Variants in ZSWIM6 observed in about 807,000 individuals in gnomAD.
The protein encoded by ZSWIM6 is zinc finger SWIM domain-containing protein 6.
In ZSWIM6, 9 loss-of-function variants were observed where a neutral mutation model predicts 113.2. The ratio of observed to expected loss-of-function variants is 0.08; its 90% CI spans 0.05 to 0.14. ZSWIM6 has a LOEUF of 0.14. ZSWIM6 is among the 10% of genes least tolerant of loss of function. The pLI, the probability that ZSWIM6 is intolerant of heterozygous loss-of-function variation, is 1.00. For synonymous variants in ZSWIM6, 611 were observed against 606.5 expected (o/e 1.01, Z -0.11); for missense variants, 1,162 against 1,552.2 (o/e 0.75, Z 4.22).
chr5:61,539,631 A>G lies in ZSWIM6; in HGVS notation c.2575A>G (p.Ile859Val), dbSNP rs1027909153. 3.9e-6 allele frequency: 6 copies of G among 1,551,910 alleles called. No individual in the cohort carries two copies. Among genetic ancestry groups the G allele is most frequent in the African/African-American group, 2.7e-5 (2 of 73,046 alleles). ...GAGGCTGGAAACAGTATTAGAATCCATCCAGAAAAACATTCACTCCTCATC... is the reference window on the plus strand; with the variant it reads ...GAGGCTGGAAACAGTATTAGAATCCGTCCAGAAAAACATTCACTCCTCATC... ...VRRLETVLES[I>V]QKNIHSSSHI... The change falls in exon 12 of 14, where the codon ATC (isoleucine) becomes GTC (valine). Residue 859 changes from isoleucine to valine, a missense_variant. Coordinates refer to ENST00000252744, the MANE Select transcript of ZSWIM6 (RefSeq NM_020928.2).
chr5:61,378,362 A>C (rs1006267415), intron 1 of ZSWIM6, among the ~76,000 whole-genome samples: 1 of 152,252 alleles, frequency 6.6e-6, no homozygotes, highest in African/African-American at 2.4e-5. Flanking sequence ...AAATGGGGAA[A>C]AAAGTAAAAC....
intron 1 of ZSWIM6, among the ~76,000 whole-genome samples, chr5:61,366,447 C>CA (rs941744949): frequency 1.3e-5 from 2 of 152,198 alleles, no homozygotes; most frequent in Non-Finnish European, 2.9e-5. Context: ...ATAAGCAACT[C>CA]AAACTCTAAA....
Position 61,332,847 on chromosome 5 carries a change from G to A in ZSWIM6, c.575G>A (p.Gly192Glu). ...GCGGGGGCCGGGGCCCCGTCGGTGGGGGCTGCCGGGGCGGCGGACGGCGGC... is the reference window on the plus strand; with the variant it reads ...GCGGGGGCCGGGGCCCCGTCGGTGGAGGCTGCCGGGGCGGCGGACGGCGGC... ...AAAGAGAPSV[G>E]AAGAADGGDE... is the part of the protein sequence containing the mutation. The change falls in exon 1 of 14, where the codon GGG (glycine) becomes GAG (glutamate). Residue 192 changes from glycine (G) to glutamate (E), a missense_variant. Around this residue, in one of 4 missense-constraint regions of ZSWIM6, gnomAD observed 333 missense variants for 293.4 expected, o/e 1.13. Transcript: ENST00000252744. 1 of 1,132,082 alleles carries A rather than the reference G, an allele frequency of 8.8e-7. No individual in the cohort carries two copies. The highest frequency in any genetic ancestry group is 1.1e-6 in the Non-Finnish European group (1 of 909,208). The allele number at this position is 1,132,082 out of a possible 1,614,324, so 70.1% of individuals were successfully genotyped here.
At chr5:61,424,727 CTT>C (rs35994591) in intron 1 of ZSWIM6, among the ~76,000 whole-genome samples, 33 of 134,660 alleles carry the variant, frequency 2.5e-4, no homozygotes, top group Non-Finnish European at 2.4e-4. Flanking sequence ...AATCTTGGCT[CTT>C]TTTTTTTTTT....
At chr5:61,491,948 G>A (rs1748190074) in intron 3 of ZSWIM6, among the ~76,000 whole-genome samples, 1 of 151,808 alleles carries the variant, frequency 6.6e-6, no homozygotes, top group Non-Finnish European at 1.5e-5. Context: ...AATTTCCCCA[G>A]AATTAGATTA....
intron 10 of ZSWIM6, among the ~76,000 whole-genome samples, chr5:61,536,642 C>T (rs907983816): frequency 6.6e-6 from 1 of 152,110 alleles, no homozygotes; most frequent in Non-Finnish European, 1.5e-5. Context: ...CCAAAGTTAC[C>T]CTGTTCTGAA....
chr5:61,420,339 T>C (rs1561230295), intron 1 of ZSWIM6, among the ~76,000 whole-genome samples: 1 of 152,250 alleles, frequency 6.6e-6, no homozygotes, highest in Non-Finnish European at 1.5e-5. Context: ...TTACTATATA[T>C]CTGAAAGTTT....
chr5:61,520,639 T>G (rs1213927781), intron 4 of ZSWIM6, among the ~76,000 whole-genome samples: 2 of 152,168 alleles, frequency 1.3e-5, no homozygotes, highest in Non-Finnish European at 2.9e-5. Context: ...CTGGCTTTTT[T>G]TTGCCCCAAA....
At chr5:61,408,076 AC>A (rs1474340307) in intron 1 of ZSWIM6, among the ~76,000 whole-genome samples, 2 of 152,260 alleles carry the variant, frequency 1.3e-5, no homozygotes, top group Non-Finnish European at 2.9e-5. Context: ...ATGGGAAATT[AC>A]CTAAATGCTC....
intron 1 of ZSWIM6, among the ~76,000 whole-genome samples, chr5:61,389,554 CAAAAAAAAAAAA>C (rs60533774): frequency 1.2e-4 from 6 of 50,980 alleles, no homozygotes; most frequent in South Asian, 7.3e-4. Context: ...GACTCAGTCT[CAAAAAAAAAAAA>C]AAAAAAAAAA....
intron 1 of ZSWIM6, among the ~76,000 whole-genome samples, chr5:61,431,686 A>C (rs1746585416): frequency 6.6e-6 from 1 of 152,038 alleles, no homozygotes; most frequent in Non-Finnish European, 1.5e-5. Flanking sequence ...CGGAGCTTGC[A>C]GTGAGCCAAG....
At chr5:61,390,974 T>G in intron 1 of ZSWIM6, 1 of 757,832 alleles carries the variant, frequency 1.3e-6, no homozygotes, top group Non-Finnish European at 2.4e-6. Context: ...GAGGCATTGT[T>G]CTTGATCAGT....
At chr5:61,383,856 T>C (rs960317681) in intron 1 of ZSWIM6, among the ~76,000 whole-genome samples, 1 of 151,898 alleles carries the variant, frequency 6.6e-6, no homozygotes, top group Non-Finnish European at 1.5e-5. Context: ...CAGAACTTTT[T>C]CTTATACATG....
intron 1 of ZSWIM6, among the ~76,000 whole-genome samples, chr5:61,453,301 C>T (rs981920902): frequency 2.0e-5 from 3 of 151,272 alleles, no homozygotes; most frequent in African/African-American, 7.3e-5. Flanking sequence ...AATCTAGCTA[C>T]TTAACATATA....
intron 1 of ZSWIM6, among the ~76,000 whole-genome samples, chr5:61,346,853 TGAC>T: frequency 6.6e-6 from 1 of 152,338 alleles, no homozygotes; most frequent in East Asian, 1.9e-4. Flanking sequence ...CTTTCAATAA[TGAC>T]TACTACTGTG....
intron 2 of ZSWIM6, among the ~76,000 whole-genome samples, chr5:61,478,669 G>A (rs1747769934): frequency 6.6e-6 from 1 of 151,590 alleles, no homozygotes; most frequent in Non-Finnish European, 1.5e-5. Flanking sequence ...CACTGTTGCT[G>A]TGACCATCTT....
chr5:61,496,748 G>A (rs10060668), intron 4 of ZSWIM6, among the ~76,000 whole-genome samples: 3 of 151,912 alleles, frequency 2.0e-5, no homozygotes, highest in Non-Finnish European at 2.9e-5. Flanking sequence ...CCAACACCGC[G>A]CCATTACAGA....
chr5:61,541,742 A>G, intron 12 of ZSWIM6, 142 bp from the exon 13 acceptor site: 1 of 681,918 alleles, frequency 1.5e-6, no homozygotes, highest in Non-Finnish European at 2.4e-6. Flanking sequence ...ATTCATATGT[A>G]GAGCTTTGCT....
intron 1 of ZSWIM6, among the ~76,000 whole-genome samples, chr5:61,334,358 A>C (rs554712287): frequency 6.6e-6 from 1 of 152,060 alleles, no homozygotes; most frequent in East Asian, 1.9e-4. Context: ...ATATTTTCTG[A>C]CCCCCTCCCA....
Sources: gnomAD v4.1 joint callset for allele counts (sites outside exome capture counted in the v4.1 genomes callset) on GRCh38, gnomAD v4.1.1 for gene constraint, gnomAD v4.1.1 regional missense constraint, MANE v1.5 for transcripts, NCBI Gene and HGNC (gene_info 2026-07-23, HGNC 2026-07-21) for gene names.